Variants in FARS2 observed in about 807,000 individuals in gnomAD.
FARS2 encodes phenylalanyl-tRNA synthetase 2, mitochondrial, also known as phenylalanine--tRNA ligase, mitochondrial.
Under a neutral mutation model 46.4 loss-of-function variants are expected in FARS2, and 40 were observed. That is an observed-to-expected ratio of 0.86 (90% CI 0.67 to 1.12). The LOEUF is 1.12. FARS2 is among the 50% of genes most tolerant of loss of function. FARS2 has a pLI of 0.00. For synonymous variants in FARS2, 234 were observed against 214.9 expected (o/e 1.09, Z -0.78); for missense variants, 513 against 567.9 (o/e 0.90, Z 0.98).
chr6:5,491,250 C>G (rs1161791606), intron 4 of FARS2, among the ~76,000 whole-genome samples: 1 of 152,110 alleles, frequency 6.6e-6, no homozygotes, highest in Non-Finnish European at 1.5e-5. Flanking sequence ...TTGTCCAAAT[C>G]TTTTGCCCAT....
chr6:5,739,853 C>G (rs1421555091), intron 6 of FARS2, among the ~76,000 whole-genome samples: 1 of 152,100 alleles, frequency 6.6e-6, no homozygotes, highest in Non-Finnish European at 1.5e-5. Context: ...ACATCCAGAC[C>G]CTCTTCTTGG....
At chr6:5,405,520 C>T (rs1277619223) in intron 3 of FARS2, among the ~76,000 whole-genome samples, 1 of 100,008 alleles carries the variant, frequency 1.0e-5, no homozygotes. Flanking sequence ...CGGAGTCTCG[C>T]TCTGTCTCCC....
chr6:5,771,435 C>A lies in FARS2; in HGVS notation c.*6C>A, dbSNP rs761214773. 4.3e-6 allele frequency: 7 copies of A among 1,609,698 alleles called. No homozygotes were observed. The African/African-American group carries it at 8.0e-5, about 18-fold the overall frequency. ...GTGTGGAGGGCAGGTTCTGATGTCA[C>A]CACTTCACTCAGGCTGCAGCCCTCT... is the stretch of plus-strand genomic sequence containing the variant. On this transcript the variant is annotated 3_prime_UTR_variant, in exon 7 of 7. Transcript: ENST00000274680.
intron 5 of FARS2, among the ~76,000 whole-genome samples, chr6:5,603,618 G>A (rs1384043873): frequency 3.3e-5 from 5 of 152,196 alleles, no homozygotes; most frequent in Non-Finnish European, 5.9e-5. Context: ...GCATTCCTGG[G>A]CTTGCAGGAG....
At chr6:5,377,973 T>C (rs1759489207) in intron 2 of FARS2, among the ~76,000 whole-genome samples, 2 of 152,186 alleles carry the variant, frequency 1.3e-5, no homozygotes. Flanking sequence ...GTGGAGAAGT[T>C]ATAAATATTA....
At chr6:5,396,627 T>C (rs964030861) in intron 2 of FARS2, among the ~76,000 whole-genome samples, 3 of 152,130 alleles carry the variant, frequency 2.0e-5, no homozygotes, top group African/African-American at 7.2e-5. Context: ...TTGTTACAAT[T>C]TTTAGGCTCA....
chr6:5,481,811 C>A (rs550697610), intron 4 of FARS2, among the ~76,000 whole-genome samples: 2,065 of 9,758 alleles, frequency 0.21, 27 homozygotes, highest in South Asian at 0.38. Flanking sequence ...GTTAAAAAGA[C>A]CCCCCTTGCT....
rs1049987639 is a variant in FARS2, at chr6:5,343,431, G to A, written c.-21-25119G>A. ...TTCATCATATTGGTCAGGCTGGTCT[G>A]GAACTCCTGACCTCAGGTGATCCAC... is the stretch of plus-strand genomic sequence containing the variant. On this transcript the variant is annotated intron_variant, in intron 1 of 6. Transcript: ENST00000274680. The surrounding 1 kb of genome is among the most constrained non-coding windows in gnomAD (Gnocchi z 4.5). Among the ~76,000 whole-genome samples, 1 of 151,988 alleles carries A rather than the reference G, an allele frequency of 6.6e-6. No individual in the cohort carries two copies. The highest frequency in any genetic ancestry group is 1.5e-5 in the Non-Finnish European group (1 of 67,996).
intron 4 of FARS2, among the ~76,000 whole-genome samples, chr6:5,450,798 G>T (rs1370927578): frequency 6.6e-6 from 1 of 151,934 alleles, no homozygotes; most frequent in Non-Finnish European, 1.5e-5. Flanking sequence ...GGGTCTCCTT[G>T]CCTCCAGGGT....
At chr6:5,437,567 G>A (rs74497936) in intron 4 of FARS2, among the ~76,000 whole-genome samples, 1 of 151,964 alleles carries the variant, frequency 6.6e-6, no homozygotes, top group East Asian at 1.9e-4. Context: ...ATGTTTTCAC[G>A]AGGAATTGTT....
intron 4 of FARS2, among the ~76,000 whole-genome samples, chr6:5,510,267 A>G (rs1422549619): frequency 6.6e-6 from 1 of 152,142 alleles, no homozygotes; most frequent in Non-Finnish European, 1.5e-5. Context: ...GGGGTGGCAG[A>G]TGAGTTAGTC....
chr6:5,424,083 G>T (rs79780336), intron 3 of FARS2, among the ~76,000 whole-genome samples: 1 of 152,250 alleles, frequency 6.6e-6, no homozygotes, highest in East Asian at 1.9e-4. Context: ...TCGTGTCTGT[G>T]GGTACTCAAC....
intron 1 of FARS2, 124 bp downstream of exon 1, chr6:5,261,784 C>T (rs905168869): frequency 6.6e-6 from 1 of 152,216 alleles, no homozygotes; most frequent in Non-Finnish European, 1.5e-5. Flanking sequence ...GAAGAGTTCC[C>T]GTGGTTTTGT....
chr6:5,768,214 G>A (rs1762848677), intron 6 of FARS2, among the ~76,000 whole-genome samples: 1 of 152,156 alleles, frequency 6.6e-6, no homozygotes, highest in African/African-American at 2.4e-5. Context: ...ACTTTCACTT[G>A]ATTCTATTGA....
intron 4 of FARS2, among the ~76,000 whole-genome samples, chr6:5,441,878 G>A (rs1039763315): frequency 1.2e-4 from 19 of 152,092 alleles, no homozygotes; most frequent in Admixed American, 1.2e-3. Flanking sequence ...AAAGTTCCCT[G>A]GTGTTTTACA....
chr6:5,416,739 AT>A (rs1484030169), intron 3 of FARS2, among the ~76,000 whole-genome samples: 2 of 151,596 alleles, frequency 1.3e-5, no homozygotes, highest in African/African-American at 2.4e-5. Flanking sequence ...TTATTATTCC[AT>A]TTTATTTCCT....
intron 1 of FARS2, among the ~76,000 whole-genome samples, chr6:5,292,542 A>T (rs1424104766): frequency 2.0e-5 from 3 of 152,158 alleles, no homozygotes; most frequent in African/African-American, 7.2e-5. Flanking sequence ...AGACTAAAGG[A>T]TACCTCCCAG....
At chr6:5,536,698 A>G (rs905870106) in intron 4 of FARS2, among the ~76,000 whole-genome samples, 3 of 152,212 alleles carry the variant, frequency 2.0e-5, no homozygotes, top group African/African-American at 7.2e-5. Flanking sequence ...GTTCTCAAGT[A>G]AGGATTTTAC....
At position 5,376,444 on chromosome 6, in the gene FARS2, T is replaced by C. The variant is rs58555008; in HGVS notation, c.612+7262T>C. ...GCCTTCTATTGGGAGTGTATATAGT[T>C]ACTGCCACTTTGGAGGGTAATTTGG... is the stretch of plus-strand genomic sequence containing the variant. On this transcript the variant is annotated intron_variant, in intron 2 of 6. Coordinates refer to ENST00000274680, the MANE Select transcript of FARS2 (RefSeq NM_006567.5). Among the ~76,000 whole-genome samples, 1,422 of 152,296 alleles carry C rather than the reference T, an allele frequency of 9.3e-3. 21 individuals carry two copies. The highest frequency in any genetic ancestry group is 0.033 in the African/African-American group (1,355 of 41,590).
Sources: gnomAD v4.1 joint callset for allele counts (sites outside exome capture counted in the v4.1 genomes callset) on GRCh38, gnomAD v4.1.1 for gene constraint, Gnocchi (gnomAD v3.1) non-coding constraint, MANE v1.5 for transcripts, NCBI Gene and HGNC (gene_info 2026-07-23, HGNC 2026-07-21) for gene names.